The following RBFOX1 variants were observed in gnomAD, a reference collection of about 807,000 sequenced individuals.
RBFOX1 encodes RNA binding protein fox-1 homolog 1.
RBFOX1 carries 8 observed loss-of-function variants against 57.7 expected under a neutral mutation model. The ratio of observed to expected loss-of-function variants is 0.14; its 90% CI spans 0.08 to 0.25. RBFOX1 has a LOEUF of 0.25. Among genes scored for constraint, RBFOX1 ranks in the 10% least tolerant of loss-of-function variants. The probability of loss-of-function intolerance (pLI) is 1.00; values close to 1 mark genes in which losing one functional copy is unlikely to be tolerated. For missense variants in RBFOX1, 611 were observed against 548.5 expected (o/e 1.11, Z -1.14); for synonymous variants, 326 against 222.4 (o/e 1.47, Z -4.15).
At chr16:6,912,577 C>G (rs959126812) in intron 3 of RBFOX1, among the ~76,000 whole-genome samples, 1 of 150,700 alleles carries the variant, frequency 6.6e-6, no homozygotes, top group African/African-American at 2.4e-5. Flanking sequence ...TTTACTTTTT[C>G]TTTCTTGCTT....
At chr16:6,215,445 A>G (rs1043824641) in intron 1 of RBFOX1, among the ~76,000 whole-genome samples, 7 of 148,656 alleles carry the variant, frequency 4.7e-5, no homozygotes, top group African/African-American at 1.7e-4. Flanking sequence ...GGAGAGAAGG[A>G]GAGAAAGGAA....
intron 1 of RBFOX1, among the ~76,000 whole-genome samples, chr16:6,246,123 G>A (rs983788320): frequency 1.3e-5 from 2 of 152,160 alleles, no homozygotes; most frequent in African/African-American, 2.4e-5. Context: ...AATGACTGTA[G>A]GATGTATTGA....
At position 5,783,084 on chromosome 16, in the gene RBFOX1, C is replaced by T. The variant is rs185413320; in HGVS notation, c.319-84219C>T. Among the ~76,000 whole-genome samples the T allele has an allele frequency of 2.7e-3, 418 of 152,276 alleles. 1 individual carries two copies. Among genetic ancestry groups the T allele is most frequent in the African/African-American group, 9.4e-3 (389 of 41,566 alleles). On this transcript the variant is annotated intron_variant, in intron 3 of 19. Coordinates refer to the RBFOX1 transcript ENST00000641259. The stretch of plus-strand genomic sequence containing the variant: ...ACCAAATATCTTAGCATTCCCTAAT[C>T]CAGGCAAGCAGACAGATAAGATTAA...
chr16:7,702,330 C>A (rs1304607278), intron 14 of RBFOX1, among the ~76,000 whole-genome samples: 1 of 152,160 alleles, frequency 6.6e-6, no homozygotes, highest in Non-Finnish European at 1.5e-5. Flanking sequence ...TTGAAGTGAG[C>A]TTTTGTCTCC....
intron 4 of RBFOX1, among the ~76,000 whole-genome samples, chr16:7,303,791 C>A (rs910291625): frequency 6.6e-6 from 1 of 151,108 alleles, no homozygotes; most frequent in Non-Finnish European, 1.5e-5. Context: ...CTGTCTCTCC[C>A]CTCCCTCTCT....
chr16:6,365,259 G>T (rs959833490), intron 2 of RBFOX1, among the ~76,000 whole-genome samples: 9 of 152,000 alleles, frequency 5.9e-5, no homozygotes, highest in Non-Finnish European at 1.2e-4. Context: ...CAGATGGATG[G>T]GGGGATAGGT....
intron 3 of RBFOX1, among the ~76,000 whole-genome samples, chr16:6,738,271 C>G (rs1330371942): frequency 2.0e-5 from 3 of 151,948 alleles, no homozygotes; most frequent in Admixed American, 6.6e-5. Context: ...TTGATTGCCC[C>G]AGCTTACTGC....
chr16:5,396,809 C>G (rs181124002), intron 1 of RBFOX1, among the ~76,000 whole-genome samples: 32 of 152,344 alleles, frequency 2.1e-4, no homozygotes, highest in African/African-American at 7.2e-4. Flanking sequence ...AGCCAGCAAA[C>G]TCCAGCAGAG....
chr16:6,133,420 G>T (rs2152682358), intron 1 of RBFOX1, among the ~76,000 whole-genome samples: 1 of 152,300 alleles, frequency 6.6e-6, no homozygotes. Context: ...ATAAATAAAT[G>T]AAATGCTTCT....
chr16:5,658,279 G>C (rs1044546169), intron 3 of RBFOX1, among the ~76,000 whole-genome samples: 1 of 152,174 alleles, frequency 6.6e-6, no homozygotes, highest in African/African-American at 2.4e-5. Context: ...GAGACATCAG[G>C]ATTGGAAAGA....
At chr16:7,625,324 C>G (rs189125724) in intron 10 of RBFOX1, among the ~76,000 whole-genome samples, 1 of 152,202 alleles carries the variant, frequency 6.6e-6, no homozygotes. Flanking sequence ...CCCACCCAGC[C>G]CTTCGAGCAG....
At chr16:7,230,054 A>AGGAGAGAGAGGAAGGAAG (rs2093408873) in intron 4 of RBFOX1, among the ~76,000 whole-genome samples, 2 of 81,176 alleles carry the variant, frequency 2.5e-5, no homozygotes, top group South Asian at 5.3e-4. Context: ...GAGGAAGGAA[A>AGGAGAGAGAGGAAGGAAG]GGAGAGAGAG....
At chr16:7,078,384 A>G (rs558923110) in intron 4 of RBFOX1, among the ~76,000 whole-genome samples, 8 of 152,246 alleles carry the variant, frequency 5.3e-5, no homozygotes, top group African/African-American at 1.2e-4. Context: ...GTGTCACTCT[A>G]TCATCCAGTC....
chr16:5,431,966 G>C (rs1004360174), intron 1 of RBFOX1, among the ~76,000 whole-genome samples: 1 of 152,110 alleles, frequency 6.6e-6, no homozygotes, highest in African/African-American at 2.4e-5. Context: ...GGGTGTTGAG[G>C]GGGGTGTCTG....
At chr16:5,443,445 C>G (rs2068146882) in intron 1 of RBFOX1, among the ~76,000 whole-genome samples, 3 of 152,192 alleles carry the variant, frequency 2.0e-5, no homozygotes, top group African/African-American at 7.2e-5. Context: ...TCAAGTGATT[C>G]TCATGCCTCA....
intron 3 of RBFOX1, among the ~76,000 whole-genome samples, chr16:5,696,766 T>A (rs2050858180): frequency 6.6e-6 from 1 of 152,196 alleles, no homozygotes; most frequent in Non-Finnish European, 1.5e-5. Context: ...TGTCTTACCA[T>A]TTTTGAAGAC....
chr16:6,728,506 T>C (rs8053529), intron 3 of RBFOX1, among the ~76,000 whole-genome samples: 2,421 of 152,288 alleles, frequency 0.016, 38 homozygotes, highest in Middle Eastern at 0.031. Context: ...GATAAAGTTT[T>C]TAATTCTCAA....
chr16:6,906,710 A>G (rs2070064385), intron 3 of RBFOX1, among the ~76,000 whole-genome samples: 1 of 146,134 alleles, frequency 6.8e-6, no homozygotes, highest in Non-Finnish European at 1.5e-5. Context: ...TGCTCCATAA[A>G]TATTTGCAGA....
At chr16:6,933,546 C>G (rs189380355) in intron 3 of RBFOX1, among the ~76,000 whole-genome samples, 4 of 152,188 alleles carry the variant, frequency 2.6e-5, no homozygotes, top group South Asian at 2.1e-4. Context: ...AATCTCTTCT[C>G]TACTAAAAAT....
Sources: allele counts gnomAD v4.1 joint callset (sites outside exome capture counted in the v4.1 genomes callset), GRCh38; gene constraint gnomAD v4.1.1; transcripts MANE v1.5; gene names NCBI Gene and HGNC (gene_info 2026-07-23, HGNC 2026-07-21).